TMIE: variants seen among roughly 807,000 people sequenced by gnomAD.
The protein encoded by TMIE is transmembrane inner ear.
Under a neutral mutation model 16.8 loss-of-function variants are expected in TMIE, and 14 were observed. The ratio of observed to expected loss-of-function variants is 0.83; its 90% CI spans 0.55 to 1.30. TMIE has a LOEUF of 1.30. TMIE is among the 50% of genes most tolerant of loss of function. The probability of loss-of-function intolerance (pLI) is 0.00; values close to 1 mark genes in which losing one functional copy is unlikely to be tolerated. For missense variants in TMIE, 204 were observed against 205.9 expected (o/e 0.99, Z 0.06); for synonymous variants, 75 against 87.2 (o/e 0.86, Z 0.78).
chr3:46,695,042 G>C (rs1700374539), intron 1 of TMIE, among the ~76,000 whole-genome samples: 1 of 152,170 alleles, frequency 6.6e-6, no homozygotes, highest in Non-Finnish European at 1.5e-5. Context: ...GTGTCCCTCT[G>C]GCCCTCTGGG....
chr3:46,709,893 C>A lies in TMIE; in HGVS notation c.*205C>A. ...GTCCTGCCCCCCAGCCTAGGCTTGG[C>A]TCCTTTCACCCCATCCACATGGGTA... On this transcript the variant is annotated 3_prime_UTR_variant, in exon 4 of 4. Transcript: ENST00000643606. 1 of 1,017,780 alleles carries A rather than the reference C, an allele frequency of 9.8e-7. No individual in the cohort carries two copies. Among genetic ancestry groups the A allele is most frequent in the Non-Finnish European group, 1.4e-6 (1 of 704,340 alleles). 63.0% of individuals were successfully genotyped at this position (1,017,780 alleles called of 1,614,324 possible).
chr3:46,694,571 G>A (rs1700355568), exon 1 of TMIE: 3 of 152,474 alleles, frequency 2.0e-5, no homozygotes, highest in Admixed American at 6.5e-5. Flanking sequence ...TACTGAGGAG[G>A]TGGGAGGCAT....
intron 2 of TMIE, among the ~76,000 whole-genome samples, chr3:46,708,337 G>GTTA (rs1700577194): frequency 6.6e-6 from 1 of 152,174 alleles, no homozygotes; most frequent in Non-Finnish European, 1.5e-5. Context: ...CTGCCAGGAA[G>GTTA]TTATGTCTGG....
intron 2 of TMIE, among the ~76,000 whole-genome samples, chr3:46,708,803 A>G (rs892328664): frequency 3.3e-5 from 5 of 152,218 alleles, no homozygotes; most frequent in African/African-American, 1.2e-4. Flanking sequence ...GGCTTAAGTC[A>G]TGGTGCAGAC....
At chr3:46,709,411 C>T (rs530038639) in intron 3 of TMIE, 136 bp downstream of exon 3, 7 of 1,598,552 alleles carry the variant, frequency 4.4e-6, no homozygotes, top group South Asian at 1.1e-5. Flanking sequence ...GACCAGAGCA[C>T]AGAAATTGGT....
Position 46,710,558 on chromosome 3 carries a change from G to A in TMIE, c.*870G>A, listed in dbSNP as rs530945176. On this transcript the variant is annotated 3_prime_UTR_variant, in exon 4 of 4. Coordinates refer to ENST00000643606, the MANE Select transcript of TMIE (RefSeq NM_147196.3). ...GGTGGCCCCTTCTATGCCCAGCTGT[G>A]CTGGGAGGTCCCAGGGCCCTAGAAG... The A allele has an allele frequency of 6.6e-6, 1 of 152,402 alleles. No individual in the cohort carries two copies. The highest frequency in any genetic ancestry group is 2.4e-5 in the African/African-American group (1 of 41,574). 9.4% of individuals were successfully genotyped at this position (152,402 alleles called of 1,614,324 possible).
intron 2 of TMIE, 53 bp from the exon 3 acceptor site, chr3:46,709,073 C>G: frequency 6.2e-7 from 1 of 1,611,756 alleles, no homozygotes; most frequent in Non-Finnish European, 8.5e-7. Context: ...GGATGCCATT[C>G]CTTGGGTCTC....
chr3:46,704,825 G>A (rs1443504383), intron 1 of TMIE, among the ~76,000 whole-genome samples: 1 of 149,972 alleles, frequency 6.7e-6, no homozygotes, highest in African/African-American at 2.5e-5. Flanking sequence ...AGACACCCAG[G>A]GTGGACCATG....
chr3:46,710,093 G>C lies in TMIE; in HGVS notation c.*405G>C. 1 of 327,934 alleles carries C rather than the reference G, an allele frequency of 3.0e-6. No individual in the cohort carries two copies. Among genetic ancestry groups the C allele is most frequent in the South Asian group, 2.7e-5 (1 of 37,706 alleles). The allele number at this position is 327,934 out of a possible 1,614,324, so 20.3% of individuals were successfully genotyped here. ...CTGGCACGAAATGGCTGAAGTGCAT[G>C]GGTCAGGGTGTGAGGCCACACCCAG... On this transcript the variant is annotated 3_prime_UTR_variant, in exon 4 of 4. Coordinates refer to ENST00000643606, the MANE Select transcript of TMIE (RefSeq NM_147196.3).
chr3:46,704,291 CCCTAGACACCCAGGGCAGGACCATGT>C (rs1700516419), intron 1 of TMIE, among the ~76,000 whole-genome samples: 1 of 145,796 alleles, frequency 6.9e-6, no homozygotes, highest in African/African-American at 2.5e-5. Context: ...AGGACCATGT[CCCTAGACACCCAGGGCAGGACCATGT>C]CCCTAGACAC....
intron 1 of TMIE, among the ~76,000 whole-genome samples, chr3:46,704,376 A>C (rs1278683562): frequency 7.3e-6 from 1 of 137,630 alleles, no homozygotes; most frequent in Non-Finnish European, 1.5e-5. Flanking sequence ...CCATGTCCCT[A>C]GACACTCAGG....
At position 46,709,295 on chromosome 3, in the gene TMIE, A is replaced by T. The variant is rs1177761422; in HGVS notation, c.361+20A>T. ...CAGGAGGTGAGTTGGCCCTGGCTTG[A>T]GCCCTGCTGCGCCAGCCAGTTCCTC... On this transcript the variant is annotated intron_variant, in intron 3 of 3. Transcript: ENST00000643606. 6.2e-7 allele frequency: 1 copy of T among 1,613,340 alleles called. No individual in the cohort carries two copies. The highest frequency in any genetic ancestry group is 2.2e-5 in the East Asian group (1 of 44,852).
intron 1 of TMIE, among the ~76,000 whole-genome samples, chr3:46,704,527 G>A (rs1313185279): frequency 7.1e-6 from 1 of 140,818 alleles, no homozygotes; most frequent in African/African-American, 2.7e-5. Flanking sequence ...GCCCAGGGCA[G>A]GACCGTGTCC....
intron 1 of TMIE, among the ~76,000 whole-genome samples, chr3:46,695,511 C>T (rs992424790): frequency 6.6e-6 from 1 of 152,128 alleles, no homozygotes; most frequent in Non-Finnish European, 1.5e-5. Context: ...CTATGGGTCC[C>T]CTAGAGCATG....
At chr3:46,695,270 C>T (rs1461077733) in intron 1 of TMIE, among the ~76,000 whole-genome samples, 1 of 152,208 alleles carries the variant, frequency 6.6e-6, no homozygotes, top group Non-Finnish European at 1.5e-5. Context: ...ATCCTTTGTG[C>T]CTGTGGGGCA....
At chr3:46,697,818 G>C (rs1246187943), upstream of TMIE, among the ~76,000 whole-genome samples, 1 of 151,940 alleles carries the variant, frequency 6.6e-6, no homozygotes, top group African/African-American at 2.4e-5. Flanking sequence ...TCTGCTGCTT[G>C]GCATTTAGGG....
chr3:46,708,269 C>T (rs1324129417), intron 2 of TMIE, among the ~76,000 whole-genome samples: 1 of 152,218 alleles, frequency 6.6e-6, no homozygotes, highest in Non-Finnish European at 1.5e-5. Flanking sequence ...TAGATCTGAT[C>T]CATCTTCCCC....
chr3:46,703,602 G>A (rs1434385972), intron 1 of TMIE, among the ~76,000 whole-genome samples: 1 of 152,124 alleles, frequency 6.6e-6, no homozygotes, highest in East Asian at 1.9e-4. Context: ...CATATATCCA[G>A]GGGAAAGTAC....
At chr3:46,704,462 ACCCAGGGCAGGACCATGTCCCTAGATG>A (rs1700520440) in intron 1 of TMIE, among the ~76,000 whole-genome samples, 1 of 118,346 alleles carries the variant, frequency 8.4e-6, no homozygotes. Context: ...TCCCCTAGAC[ACCCAGGGCAGGACCATGTCCCTAGATG>A]CCCAGGGCAG....
Sources: allele counts gnomAD v4.1 joint callset (sites outside exome capture counted in the v4.1 genomes callset), GRCh38; gene constraint gnomAD v4.1.1; transcripts MANE v1.5; gene names NCBI Gene and HGNC (gene_info 2026-07-23, HGNC 2026-07-21).